Variants in SNX27 observed in about 807,000 individuals in gnomAD.
The protein encoded by SNX27 is sorting nexin-27.
SNX27 carries 22 observed loss-of-function variants against 71.6 expected under a neutral mutation model. That is an observed-to-expected ratio of 0.31 (90% CI 0.22 to 0.44). The LOEUF is 0.44. Ranked by LOEUF, SNX27 falls within the 20% of genes least tolerant of loss-of-function variation. The pLI is 1.00. For synonymous variants in SNX27, 269 were observed against 277.2 expected (o/e 0.97, Z 0.29); for missense variants, 531 against 698.6 (o/e 0.76, Z 2.70).
intron 2 of SNX27, among the ~76,000 whole-genome samples, chr1:151,640,739 G>C (rs1253858510): frequency 6.6e-6 from 1 of 152,080 alleles, no homozygotes; most frequent in Non-Finnish European, 1.5e-5. Flanking sequence ...ATTCACTCAT[G>C]TTAAGTCTCC....
intron 2 of SNX27, 24 bp downstream of exon 2, chr1:151,639,143 C>T (rs202027189): frequency 6.3e-7 from 1 of 1,581,918 alleles, no homozygotes; most frequent in East Asian, 2.2e-5. Flanking sequence ...CAACTCGATC[C>T]TCGAACATCT....
rs3204344 is a variant in SNX27 at position 151,697,079 on chromosome 1, C to A, written c.*2662C>A. ...CTAGGTGAAATCACAGAGTACAAAACGTGAGAATGCTGAATGTGTAAAGTT... is the reference window on the plus strand; with the variant it reads ...CTAGGTGAAATCACAGAGTACAAAAAGTGAGAATGCTGAATGTGTAAAGTT... On this transcript the variant is annotated 3_prime_UTR_variant, in exon 12 of 12. Coordinates refer to ENST00000458013, the MANE Select transcript of SNX27 (RefSeq NM_001330723.2). The A allele has an allele frequency of 0.31, 47,709 of 151,998 alleles. 7,775 individuals are homozygous for A. Among genetic ancestry groups the A allele is most frequent in the Middle Eastern group, 0.43 (127 of 294 alleles). The allele number at this position is 151,998 out of a possible 1,614,324, so 9.4% of individuals were successfully genotyped here. A position where few individuals can be genotyped will look rare whatever the true frequency, so the allele number is the denominator to read the frequency against.
At chr1:151,664,122 CATATG>C (rs1456597550) in intron 5 of SNX27, among the ~76,000 whole-genome samples, 1 of 146,906 alleles carries the variant, frequency 6.8e-6, no homozygotes, top group East Asian at 1.9e-4. Context: ...ATATTAATAA[CATATG>C]ATATGTTACA....
chr1:151,658,723 C>T (rs922875462), intron 3 of SNX27, among the ~76,000 whole-genome samples: 2 of 152,014 alleles, frequency 1.3e-5, no homozygotes, highest in Non-Finnish European at 2.9e-5. Flanking sequence ...CTCGCTCTGT[C>T]GCCAGGCTGG....
rs1397864351 is a variant in SNX27 at position 151,692,996 on chromosome 1, G to A, written c.1475G>A (p.Arg492Gln). ...ATGGCCTTCTGTTTCGAATATGCAC[G>A]AGGAGAGAAGAAGCCCCGATGGGTT... ...EGMAFCFEYA[R>Q]GEKKPRWVKI... Residue 492 changes from arginine to glutamine, a missense_variant, in exon 10 of 12, where the codon CGA (arginine) becomes CAA (glutamine). Arg to Gln is a conservative substitution (Grantham distance 43). This residue lies in a region of SNX27 where 157 missense variants were observed against 178.4 expected (regional missense o/e 0.88). Coordinates refer to ENST00000458013, the MANE Select transcript of SNX27 (RefSeq NM_001330723.2). 8.7e-6 allele frequency: 14 copies of A among 1,614,040 alleles called. 1 individual carries two copies. The highest frequency in any genetic ancestry group is 5.0e-5 in the Admixed American group (3 of 60,010).
chr1:151,636,666 TAAAAAA>T (rs11333472), intron 1 of SNX27, among the ~76,000 whole-genome samples: 1 of 97,558 alleles, frequency 1.0e-5, no homozygotes, highest in African/African-American at 3.8e-5. Flanking sequence ...TCCACTTTTG[TAAAAAA>T]AAAAAAAAAA....
At chr1:151,692,324 T>G (rs936269545) in intron 8 of SNX27, 111 bp from the exon 9 acceptor site, 2 of 1,345,036 alleles carry the variant, frequency 1.5e-6, no homozygotes, top group Non-Finnish European at 1.9e-6. Flanking sequence ...GAGAATACTC[T>G]TTGTTCTTTT....
chr1:151,641,598 G>GATATATATATATATATATATATATAT lies in SNX27; in HGVS notation c.543+2486_543+2511dup, dbSNP rs56886589. ...TTCTGGTTCTACAAGTCCTTTATCA[G>GATATATATATATATATATATATATAT]ATATATATATATATATATATATATA... On this transcript the variant is annotated intron_variant, in intron 2 of 11. Coordinates refer to ENST00000458013, the MANE Select transcript of SNX27 (RefSeq NM_001330723.2). Among the ~76,000 whole-genome samples the GATATATATATATATATATATATATAT allele has an allele frequency of 1.4e-4, 11 of 79,004 alleles. No individual in the cohort carries two copies. The South Asian group carries it at 1.7e-3, about 12-fold the overall frequency. The allele number at this position is 79,004 out of a possible 152,430, so 51.8% of individuals were successfully genotyped here. A position where few individuals can be genotyped will look rare whatever the true frequency, so the allele number is the denominator to read the frequency against.
intron 7 of SNX27, among the ~76,000 whole-genome samples, chr1:151,680,652 TTC>T (rs1670903666): frequency 6.6e-6 from 1 of 152,188 alleles, no homozygotes; most frequent in Non-Finnish European, 1.5e-5. Flanking sequence ...AAAGACAGTA[TTC>T]TTATATTCTT....
chr1:151,676,268 T>C (rs1670693115), intron 7 of SNX27: 1 of 143,070 alleles, frequency 7.0e-6, no homozygotes, highest in African/African-American at 2.6e-5. Context: ...TTAGTGCTAT[T>C]AATTTTTTTT....
chr1:151,635,533 G>T lies in SNX27; in HGVS notation c.312-3355G>T, dbSNP rs61818465. Among the ~76,000 whole-genome samples the T allele has an allele frequency of 9.8e-4, 150 of 152,300 alleles. 1 individual carries two copies. Among genetic ancestry groups the T allele is most frequent in the Middle Eastern group, 3.4e-3 (1 of 294 alleles). On this transcript the variant is annotated intron_variant, in intron 1 of 11. Transcript: ENST00000458013. Reference sequence around the variant, plus strand: ...CCACACCAAATTTGAGTCTGGTATAGTAGCCTTCTTGTAAAAAATTATATC... The same window carrying T: ...CCACACCAAATTTGAGTCTGGTATATTAGCCTTCTTGTAAAAAATTATATC...
rs150972387 is a variant in SNX27, at chr1:151,640,869, C to G, written c.543+1750C>G. On this transcript the variant is annotated intron_variant, in intron 2 of 11. Coordinates refer to ENST00000458013, the MANE Select transcript of SNX27 (RefSeq NM_001330723.2). ...TGCCCTTTACAGTTAGTCCTCACCC[C>G]TTACCACTGCCCTTGTCAACCACGG... Among the ~76,000 whole-genome samples, 236 of 152,298 alleles carry G rather than the reference C, an allele frequency of 1.5e-3. 1 individual carries two copies. Among genetic ancestry groups the G allele is most frequent in the African/African-American group, 5.5e-3 (229 of 41,560 alleles).
At chr1:151,642,539 A>G (rs1179080591) in intron 2 of SNX27, among the ~76,000 whole-genome samples, 1 of 152,094 alleles carries the variant, frequency 6.6e-6, no homozygotes, top group African/African-American at 2.4e-5. Flanking sequence ...TTTGTGTTCT[A>G]AGAAATCTAC....
intron 1 of SNX27, among the ~76,000 whole-genome samples, chr1:151,632,188 G>C (rs1401253399): frequency 7.0e-6 from 1 of 143,666 alleles, no homozygotes; most frequent in Non-Finnish European, 1.5e-5. Context: ...ATGGAGTTTT[G>C]CTCTTGTTGC....
At chr1:151,657,533 A>G (rs1469935951) in intron 2 of SNX27, among the ~76,000 whole-genome samples, 1 of 152,114 alleles carries the variant, frequency 6.6e-6, no homozygotes, top group East Asian at 1.9e-4. Flanking sequence ...TAGGCCACAC[A>G]CGAGTATCAG....
chr1:151,627,954 T>G (rs576702583), intron 1 of SNX27, among the ~76,000 whole-genome samples: 25 of 152,034 alleles, frequency 1.6e-4, no homozygotes, highest in Non-Finnish European at 3.4e-4. Context: ...TCAGACTGGC[T>G]TCTTTCCCTT....
intron 7 of SNX27, among the ~76,000 whole-genome samples, chr1:151,673,117 T>C (rs929684326): frequency 2.0e-5 from 3 of 152,062 alleles, no homozygotes; most frequent in African/African-American, 7.2e-5. Flanking sequence ...TAAAATTCCT[T>C]CTTAGTACTG....
Position 151,688,631 on chromosome 1 carries a change from CA to C in SNX27, c.1240-3787del, listed in dbSNP as rs34779390. ...TGGGCAACAGAGTGAGACTCTGTCT[CA>C]AAAAAAAAAAAAAAAATTCACCTGT... On this transcript the variant is annotated intron_variant, in intron 8 of 11. Transcript: ENST00000458013. Among the ~76,000 whole-genome samples, 435 of 116,804 alleles carry C rather than the reference CA, an allele frequency of 3.7e-3. 2 individuals are homozygous for C. Among genetic ancestry groups the C allele is most frequent in the African/African-American group, 6.2e-3 (211 of 33,870 alleles). 76.6% of individuals were successfully genotyped at this position (116,804 alleles called of 152,430 possible).
chr1:151,681,048 A>G (rs1296105296), intron 7 of SNX27, among the ~76,000 whole-genome samples: 1 of 152,236 alleles, frequency 6.6e-6, no homozygotes, highest in South Asian at 2.1e-4. Flanking sequence ...GGTTCTTAGA[A>G]GAACTTAATA....
Sources: allele counts gnomAD v4.1 joint callset (sites outside exome capture counted in the v4.1 genomes callset), GRCh38; gene constraint gnomAD v4.1.1; regional missense constraint gnomAD v4.1.1; transcripts MANE v1.5; gene names NCBI Gene and HGNC (gene_info 2026-07-23, HGNC 2026-07-21).